Variants in GRIK4 observed in about 807,000 individuals in gnomAD.
The protein encoded by GRIK4 is glutamate receptor ionotropic, kainate 4.
GRIK4 carries 40 observed loss-of-function variants against 104.9 expected under a neutral mutation model. The observed-to-expected ratio is 0.38, with a 90% CI of 0.30 to 0.50. GRIK4 has a LOEUF of 0.50. Ranked by LOEUF, GRIK4 falls within the 20% of genes least tolerant of loss-of-function variation. The pLI is 0.93. For synonymous variants in GRIK4, 485 were observed against 524.9 expected (o/e 0.92, Z 1.04); for missense variants, 1,047 against 1,308.1 (o/e 0.80, Z 3.08).
chr11:120,517,081 G>A (rs1947737352), intron 1 of GRIK4, among the ~76,000 whole-genome samples: 1 of 148,818 alleles, frequency 6.7e-6, no homozygotes, highest in East Asian at 1.9e-4. Flanking sequence ...CCTCGTGTCT[G>A]ATATTCACTG....
intron 1 of GRIK4, among the ~76,000 whole-genome samples, chr11:120,617,100 G>A (rs571791640): frequency 6.6e-6 from 1 of 152,356 alleles, no homozygotes; most frequent in South Asian, 2.1e-4. Flanking sequence ...TTACGTGTAA[G>A]TAGTGATGTG....
chr11:120,781,441 C>A (rs1451280954), intron 3 of GRIK4, among the ~76,000 whole-genome samples: 1 of 152,172 alleles, frequency 6.6e-6, no homozygotes, highest in African/African-American at 2.4e-5. Context: ...GCCTCAACTT[C>A]TTGGGCTCAA....
chr11:120,667,212 C>A (rs1453967619), intron 3 of GRIK4, among the ~76,000 whole-genome samples: 2 of 152,208 alleles, frequency 1.3e-5, no homozygotes, highest in Non-Finnish European at 2.9e-5. Context: ...TCATTAATAA[C>A]CATTAACAAG....
chr11:120,749,392 C>T (rs1034771749), intron 3 of GRIK4, among the ~76,000 whole-genome samples: 9 of 152,128 alleles, frequency 5.9e-5, no homozygotes, highest in African/African-American at 1.7e-4. Flanking sequence ...AACAGGGCCC[C>T]GAGAGCCTCT....
intron 3 of GRIK4, among the ~76,000 whole-genome samples, chr11:120,678,738 A>G (rs764531420): frequency 2.6e-5 from 4 of 152,076 alleles, no homozygotes; most frequent in Admixed American, 6.6e-5. Context: ...GGTTCAAGCA[A>G]TTCTCCTGCC....
intron 1 of GRIK4, among the ~76,000 whole-genome samples, chr11:120,611,977 G>A (rs1949043805): frequency 6.6e-6 from 1 of 152,170 alleles, no homozygotes; most frequent in Non-Finnish European, 1.5e-5. Context: ...CCTAGGGATA[G>A]AAAGTTGGTG....
chr11:120,754,077 G>A (rs1821495478), intron 3 of GRIK4, among the ~76,000 whole-genome samples: 1 of 152,088 alleles, frequency 6.6e-6, no homozygotes, highest in African/African-American at 2.4e-5. Context: ...TGTCACTCAG[G>A]CTGGAATGCA....
At chr11:120,822,957 C>G (rs1337680727) in intron 6 of GRIK4, among the ~76,000 whole-genome samples, 2 of 152,210 alleles carry the variant, frequency 1.3e-5, no homozygotes, top group African/African-American at 4.8e-5. Flanking sequence ...GTGGGAAGCT[C>G]TGCATTCCAC....
At position 120,798,672 on chromosome 11, in the gene GRIK4, G is replaced by A. The variant is rs186403793; in HGVS notation, c.83-4021G>A. 3.4e-3 allele frequency among the ~76,000 whole-genome samples: 522 copies of A among 152,154 alleles called. 10 individuals carry two copies. Among genetic ancestry groups the A allele is most frequent in the Admixed American group, 0.028 (429 of 15,270 alleles). On this transcript the variant is annotated intron_variant, in intron 3 of 20. Coordinates refer to ENST00000527524, the MANE Select transcript of GRIK4 (RefSeq NM_014619.5). ...TTTTTTTGTATTTTTAGTAGAGACAGGATTTCACCATGTTGGCCAGGCTGG... is the reference window on the plus strand; with the variant it reads ...TTTTTTTGTATTTTTAGTAGAGACAAGATTTCACCATGTTGGCCAGGCTGG...
chr11:120,928,982 TGTGTGTGC>T (rs1943416608), intron 13 of GRIK4, among the ~76,000 whole-genome samples: 2 of 143,786 alleles, frequency 1.4e-5, no homozygotes, highest in Non-Finnish European at 3.1e-5. Flanking sequence ...TGTGTGTGTG[TGTGTGTGC>T]GCGCGTGCAC....
intron 13 of GRIK4, among the ~76,000 whole-genome samples, chr11:120,918,591 AT>A (rs565478968): frequency 6.6e-6 from 1 of 151,980 alleles, no homozygotes; most frequent in Admixed American, 6.6e-5. Context: ...CTACTTGTCG[AT>A]TTTTTTCCTA....
At chr11:120,730,854 T>G (rs1302587403) in intron 3 of GRIK4, among the ~76,000 whole-genome samples, 1 of 152,210 alleles carries the variant, frequency 6.6e-6, no homozygotes, top group African/African-American at 2.4e-5. Flanking sequence ...TTTTGATTTC[T>G]TTTTCAGGTT....
At chr11:120,640,775 C>G (rs1311195523) in intron 1 of GRIK4, among the ~76,000 whole-genome samples, 2 of 151,768 alleles carry the variant, frequency 1.3e-5, no homozygotes, top group African/African-American at 2.4e-5. Flanking sequence ...GTGGCGCGAT[C>G]TCAGCTCACT....
At chr11:120,779,879 C>T (rs1425333725) in intron 3 of GRIK4, among the ~76,000 whole-genome samples, 8 of 152,286 alleles carry the variant, frequency 5.3e-5, no homozygotes, top group Admixed American at 2.0e-4. Flanking sequence ...CTAGACAGAG[C>T]GTTGGTAGAG....
intron 13 of GRIK4, among the ~76,000 whole-genome samples, chr11:120,907,639 TGAGACG>T (rs1189887555): frequency 6.6e-6 from 1 of 152,080 alleles, no homozygotes; most frequent in Non-Finnish European, 1.5e-5. Context: ...GACTAGTGAG[TGAGACG>T]GAGATCAATG....
At chr11:120,564,002 G>T (rs1948274453) in intron 1 of GRIK4, among the ~76,000 whole-genome samples, 1 of 152,212 alleles carries the variant, frequency 6.6e-6, no homozygotes, top group African/African-American at 2.4e-5. Flanking sequence ...ACAAGCTGCC[G>T]GAGAGCCTTT....
intron 1 of GRIK4, among the ~76,000 whole-genome samples, chr11:120,645,538 AG>A (rs2135208178): frequency 1.3e-5 from 2 of 152,296 alleles, no homozygotes; most frequent in East Asian, 3.9e-4. Flanking sequence ...AATATCAAAG[AG>A]GCTGCCTTCC....
intron 6 of GRIK4, among the ~76,000 whole-genome samples, chr11:120,828,071 C>T (rs1278546269): frequency 6.6e-6 from 1 of 152,142 alleles, no homozygotes; most frequent in Non-Finnish European, 1.5e-5. Flanking sequence ...GACATGGCGA[C>T]GGTTCCTGCC....
intron 10 of GRIK4, 40 bp from the exon 11 acceptor site, chr11:120,875,099 G>A (rs750775415): frequency 7.8e-6 from 10 of 1,281,042 alleles, no homozygotes; most frequent in Non-Finnish European, 1.1e-5. Context: ...AGTGTAACCT[G>A]GGGCCTGTTT....
Sources: allele counts gnomAD v4.1 joint callset (sites outside exome capture counted in the v4.1 genomes callset), GRCh38; gene constraint gnomAD v4.1.1; transcripts MANE v1.5; gene names NCBI Gene and HGNC (gene_info 2026-07-23, HGNC 2026-07-21).